The following RAB10 variants were observed in gnomAD, a reference collection of about 807,000 sequenced individuals.
RAB10 encodes the protein RAB10, member RAS oncogene family, also known as ras-related protein Rab-10.
Under a neutral mutation model 25.7 loss-of-function variants are expected in RAB10, and 5 were observed. The observed-to-expected ratio is 0.19, with a 90% CI of 0.10 to 0.41. The LOEUF is 0.41. Ranked by LOEUF, RAB10 falls within the 10% of genes least tolerant of loss-of-function variation. The pLI is 1.00. For missense variants in RAB10, 103 were observed against 245.8 expected, an observed-to-expected ratio of 0.42 and a Z score of 3.89; for synonymous variants, 89 against 86.4, an observed-to-expected ratio of 1.03 and a Z score of -0.16.
chr2:26,035,112 A>C (rs1368819644), intron 1 of RAB10, among the ~76,000 whole-genome samples: 1 of 152,212 alleles, frequency 6.6e-6, no homozygotes, highest in Non-Finnish European at 1.5e-5. Context: ...AGTACTAGCT[A>C]TTTGGGAAAG....
At chr2:26,082,345 A>G (rs1004898236) in intron 1 of RAB10, among the ~76,000 whole-genome samples, 3 of 152,126 alleles carry the variant, frequency 2.0e-5, no homozygotes, top group African/African-American at 2.4e-5. Context: ...CTAATCAGCG[A>G]CCAAATCTTA....
intron 1 of RAB10, among the ~76,000 whole-genome samples, chr2:26,038,237 C>T (rs1243773532): frequency 1.3e-5 from 2 of 148,392 alleles, no homozygotes; most frequent in Non-Finnish European, 3.0e-5. Context: ...GCTTTTGTTG[C>T]TCAGGCTGGA....
chr2:26,132,647 G>T (rs1457147402), intron 5 of RAB10, among the ~76,000 whole-genome samples: 1 of 151,870 alleles, frequency 6.6e-6, no homozygotes, highest in African/African-American at 2.4e-5. Flanking sequence ...TTGGTTATTG[G>T]CCTTTTCTTA....
chr2:26,135,339 T>A lies in RAB10; in HGVS notation c.*318T>A. 1 of 216,764 alleles carries A rather than the reference T, an allele frequency of 4.6e-6. No individual in the cohort carries two copies. The highest frequency in any genetic ancestry group is 9.1e-6 in the Non-Finnish European group (1 of 110,488). 13.4% of individuals were successfully genotyped at this position (216,764 alleles called of 1,614,324 possible). A position where few individuals can be genotyped will look rare whatever the true frequency, so the allele number is the denominator to read the frequency against. On this transcript the variant is annotated 3_prime_UTR_variant, in exon 6 of 6. Coordinates refer to ENST00000264710, the MANE Select transcript of RAB10 (RefSeq NM_016131.5). ...AAACCTATAGCAATCATTTCAAATC[T>A]ATTCTGCAAATTGTATAAGAATAAA...
At chr2:26,118,052 A>G in intron 3 of RAB10, among the ~76,000 whole-genome samples, 1 of 150,446 alleles carries the variant, frequency 6.6e-6, no homozygotes, top group East Asian at 2.0e-4. Context: ...AGCTCACTGC[A>G]AACTCCACCT....
Position 26,034,447 on chromosome 2 carries a change from G to T in RAB10, c.-162G>T. The T allele has an allele frequency of 1.1e-6, 1 of 923,578 alleles. No individual in the cohort carries two copies. Among genetic ancestry groups the T allele is most frequent in the Non-Finnish European group, 1.6e-6 (1 of 630,988 alleles). 57.2% of individuals were successfully genotyped at this position (923,578 alleles called of 1,614,324 possible). A position where few individuals can be genotyped will look rare whatever the true frequency, so the allele number is the denominator to read the frequency against. On this transcript the variant is annotated 5_prime_UTR_variant, in exon 1 of 6. Transcript: ENST00000264710. ...GGCACTGGACGCCGCCACTGTCGGG[G>T]CTTCCTCAAAGCTGTTCGTAGGTCG...
intron 1 of RAB10, among the ~76,000 whole-genome samples, chr2:26,086,193 C>T (rs1438881839): frequency 6.6e-6 from 1 of 151,732 alleles, no homozygotes; most frequent in Non-Finnish European, 1.5e-5. Flanking sequence ...TGGCAGTCCC[C>T]TGTAATCCCA....
intron 2 of RAB10, among the ~76,000 whole-genome samples, chr2:26,105,718 G>A (rs898651240): frequency 7.2e-5 from 11 of 152,170 alleles, no homozygotes; most frequent in Non-Finnish European, 1.3e-4. Flanking sequence ...CAGTCATACA[G>A]TGCATAATGA....
chr2:26,126,685 A>G (rs567661448), intron 3 of RAB10, among the ~76,000 whole-genome samples: 12 of 152,322 alleles, frequency 7.9e-5, no homozygotes, highest in Middle Eastern at 3.4e-3. Flanking sequence ...TCTTAAGGGG[A>G]CAACCACTTG....
intron 2 of RAB10, among the ~76,000 whole-genome samples, chr2:26,102,658 T>C (rs1559593700): frequency 6.6e-6 from 1 of 152,182 alleles, no homozygotes; most frequent in Non-Finnish European, 1.5e-5. Flanking sequence ...CAGTATGGTC[T>C]CGATCTCCTG....
chr2:26,069,676 A>AC (rs1666583759), intron 1 of RAB10, among the ~76,000 whole-genome samples: 1 of 140,948 alleles, frequency 7.1e-6, no homozygotes, highest in South Asian at 2.3e-4. Flanking sequence ...CCTACCCCCC[A>AC]AAAAAAAAGA....
intron 1 of RAB10, among the ~76,000 whole-genome samples, chr2:26,047,442 G>A (rs148664541): frequency 0.011 from 1,661 of 149,260 alleles, 31 homozygotes; most frequent in African/African-American, 0.038. Context: ...TTGAGACAGA[G>A]TCTTGTTCTG....
At chr2:26,045,957 A>G (rs1011945289) in intron 1 of RAB10, among the ~76,000 whole-genome samples, 5 of 152,236 alleles carry the variant, frequency 3.3e-5, no homozygotes, top group Non-Finnish European at 4.4e-5. Flanking sequence ...TGTAAAGGTC[A>G]TAGAGGTGGG....
intron 1 of RAB10, among the ~76,000 whole-genome samples, chr2:26,085,743 C>A (rs1164131494): frequency 6.6e-6 from 1 of 151,560 alleles, no homozygotes; most frequent in Non-Finnish European, 1.5e-5. Flanking sequence ...ACACCTGTAA[C>A]CCCAGCACTT....
chr2:26,063,127 A>G (rs936830097), intron 1 of RAB10, among the ~76,000 whole-genome samples: 1 of 151,592 alleles, frequency 6.6e-6, no homozygotes, highest in African/African-American at 2.4e-5. Flanking sequence ...AAAAAAAAAA[A>G]AAGAATCAGG....
At chr2:26,041,245 C>G (rs1022672530) in intron 1 of RAB10, among the ~76,000 whole-genome samples, 1 of 151,990 alleles carries the variant, frequency 6.6e-6, no homozygotes, top group Admixed American at 6.6e-5. Context: ...ATCAGACTTA[C>G]CAATATTAGC....
rs1162362900 is a variant in RAB10 at position 26,034,475 on chromosome 2, C to T, written c.-134C>T. 5.7e-6 allele frequency: 7 copies of T among 1,234,258 alleles called. No homozygotes were observed. The highest frequency in any genetic ancestry group is 5.1e-5 in the Admixed American group (2 of 39,256). 76.5% of individuals were successfully genotyped at this position (1,234,258 alleles called of 1,614,324 possible). On this transcript the variant is annotated 5_prime_UTR_variant, in exon 1 of 6. Transcript: ENST00000264710. ...TCCTCAAAGCTGTTCGTAGGTCGCCCGCGCCGTCTCGAGCCTTTTTCCCAC... is the reference window on the plus strand; with the variant it reads ...TCCTCAAAGCTGTTCGTAGGTCGCCTGCGCCGTCTCGAGCCTTTTTCCCAC...
At chr2:26,063,500 A>G (rs1478307153) in intron 1 of RAB10, among the ~76,000 whole-genome samples, 1 of 152,300 alleles carries the variant, frequency 6.6e-6, no homozygotes. Flanking sequence ...TCATCTCTAA[A>G]TACTTTAGCA....
rs574194337 is a variant in RAB10 at position 26,125,110 on chromosome 2, C to T, written c.328-2034C>T. ...TGAGTCCCTGCTTTAAATTCTTCTG[C>T]GTGTATACCCATGAGTGGAATTGCT... On this transcript the variant is annotated intron_variant, in intron 3 of 5. Transcript: ENST00000264710. 3.9e-4 allele frequency among the ~76,000 whole-genome samples: 60 copies of T among 152,192 alleles called. No individual in the cohort carries two copies. In the South Asian group the frequency reaches 0.011, roughly 29 times the overall value.
Sources: gnomAD v4.1 joint callset for allele counts (sites outside exome capture counted in the v4.1 genomes callset) on GRCh38, gnomAD v4.1.1 for gene constraint, MANE v1.5 for transcripts, NCBI Gene and HGNC (gene_info 2026-07-23, HGNC 2026-07-21) for gene names.